PCDHA5: variants seen among roughly 807,000 people sequenced by gnomAD.
PCDHA5 encodes the protein protocadherin alpha 5, also known as protocadherin alpha-5.
In PCDHA5, 43 loss-of-function variants were observed where a neutral mutation model predicts 61.6. The observed-to-expected ratio is 0.70, with a 90% confidence interval of 0.55 to 0.90. The LOEUF is 0.90. PCDHA5 is among the 40% of genes least tolerant of loss of function. The probability of loss-of-function intolerance (pLI) is 0.00; values close to 1 mark genes in which losing one functional copy is unlikely to be tolerated. For synonymous variants in PCDHA5, 627 were observed against 543.9 expected, an observed-to-expected ratio of 1.15 and a Z score of -2.13; for missense variants, 1,298 against 1,222.7, an observed-to-expected ratio of 1.06 and a Z score of -0.92.
At chr5:140,972,344 C>T (rs1379310170) in intron 1 of PCDHA5, among the ~76,000 whole-genome samples, 26 of 151,148 alleles carry the variant, frequency 1.7e-4, no homozygotes, top group African/African-American at 6.3e-4. Context: ...AGATGGGGGT[C>T]TCACTATGTT....
intron 1 of PCDHA5, chr5:140,830,429 C>T (rs2150186384): frequency 6.2e-7 from 1 of 1,613,784 alleles, no homozygotes; most frequent in African/African-American, 1.3e-5. Flanking sequence ...TTCACCTTGT[C>T]CTATTATGAT....
At chr5:140,852,737 C>CGG in intron 1 of PCDHA5, 1 of 983,808 alleles carries the variant, frequency 1.0e-6, no homozygotes, top group Non-Finnish European at 1.2e-6. Context: ...GTTTCATGTG[C>CGG]CATTTAAACT....
intron 1 of PCDHA5, chr5:140,836,420 G>A: frequency 6.2e-7 from 1 of 1,613,810 alleles, no homozygotes. Context: ...CAAAGGCGTC[G>A]TCGCGGGCAT....
rs782516369 is a variant in PCDHA5 at position 140,857,545 on chromosome 5, C to T, written c.2352+33418C>T. The T allele has an allele frequency of 1.9e-6, 3 of 1,596,810 alleles. 1 individual carries two copies. The highest frequency in any genetic ancestry group is 1.1e-5 in the South Asian group (1 of 90,486). On this transcript the variant is annotated intron_variant, in intron 1 of 3. Transcript: ENST00000529859. ...ACTCTCTGGTGGAGCGGCGGTTGGGCGAGCGCTCGCTGTCGAGCTACGTGT... is the reference window on the plus strand; with the variant it reads ...ACTCTCTGGTGGAGCGGCGGTTGGGTGAGCGCTCGCTGTCGAGCTACGTGT...
At chr5:140,828,787 G>C in intron 1 of PCDHA5, 3 of 1,614,216 alleles carry the variant, frequency 1.9e-6, no homozygotes, top group African/African-American at 1.3e-5. Flanking sequence ...TGGTCACAGT[G>C]CTGGATGTGA....
chr5:140,843,708 G>A, intron 1 of PCDHA5: 1 of 1,577,200 alleles, frequency 6.3e-7, no homozygotes, highest in South Asian at 1.1e-5. Context: ...GTTGATCATG[G>A]CCTCAAAGTA....
chr5:140,823,337 C>T lies in PCDHA5; in HGVS notation c.1562C>T (p.Pro521Leu). 1.2e-6 allele frequency: 2 copies of T among 1,612,260 alleles called. No individual in the cohort carries two copies. The highest frequency in any genetic ancestry group is 1.7e-6 in the Non-Finnish European group (2 of 1,179,760). ...AGCGGCAAGGTGTACGCGCTGCAGC[C>T]GCTGGACCACGAGGAAGTGGAGCTG... ...AESGKVYALQ[P>L]LDHEEVELLQ... The change falls in exon 1 of 4, where the codon CCG becomes CTG. Residue 521 changes from proline to leucine, a missense_variant. Coordinates refer to ENST00000529859, the MANE Select transcript of PCDHA5 (RefSeq NM_018908.3).
chr5:140,850,879 C>A (rs2150501286), intron 1 of PCDHA5: 1 of 1,586,914 alleles, frequency 6.3e-7, no homozygotes, highest in South Asian at 1.1e-5. Context: ...TCCTCAGATT[C>A]AACTGGGAAG....
chr5:140,849,079 T>C (rs1554142746), intron 1 of PCDHA5: 1 of 1,521,712 alleles, frequency 6.6e-7, no homozygotes, highest in African/African-American at 1.5e-5. Flanking sequence ...CTTGGACTTG[T>C]ATTACGGAAA....
At chr5:141,005,467 GC>G (rs1463928635) in intron 3 of PCDHA5, among the ~76,000 whole-genome samples, 1 of 151,982 alleles carries the variant, frequency 6.6e-6, no homozygotes, top group Non-Finnish European at 1.5e-5. Context: ...ACTTTGGGAG[GC>G]CGAGACGGGC....
At chr5:140,884,307 C>G (rs144612735) in intron 1 of PCDHA5, 1 of 1,613,724 alleles carries the variant, frequency 6.2e-7, no homozygotes. Context: ...CAGGCTTCGT[C>G]GAGGGCGTCG....
chr5:140,867,568 T>C (rs2050045240), intron 1 of PCDHA5: 1 of 152,150 alleles, frequency 6.6e-6, no homozygotes, highest in Non-Finnish European at 1.5e-5. Context: ...AACTTTTTCA[T>C]ATGCCCTTGC....
At chr5:140,866,405 A>G (rs2049336607) in intron 1 of PCDHA5, 1 of 152,116 alleles carries the variant, frequency 6.6e-6, no homozygotes, top group Admixed American at 6.6e-5. Context: ...TCCCATGAAA[A>G]TCTTCAAATG....
intron 1 of PCDHA5, chr5:140,851,680 A>G (rs2042128414): frequency 2.2e-6 from 2 of 918,856 alleles, no homozygotes; most frequent in African/African-American, 3.6e-5. Flanking sequence ...AATTTTCTCC[A>G]TTCAGTGATA....
In PCDHA5 at chr5:140,823,976, G is replaced by T. The variant is rs1247134130; in HGVS notation, c.2201G>T (p.Gly734Val). The change falls in exon 1 of 4, where the codon GGC becomes GTC. Residue 734 changes from glycine (G) to valine (V), a missense_variant. Coordinates refer to ENST00000529859, the MANE Select transcript of PCDHA5 (RefSeq NM_018908.3). Reference protein sequence around the residue: ...AQPTEAVCTRGKPTLLCSSAV... With the variant: ...AQPTEAVCTRVKPTLLCSSAV... Reference sequence around the variant, plus strand: ...CCCACCGAGGCCGTGTGCACACGGGGCAAGCCCACTCTGTTGTGCTCCAGC... The same window carrying T: ...CCCACCGAGGCCGTGTGCACACGGGTCAAGCCCACTCTGTTGTGCTCCAGC... 4 of 1,613,918 alleles carry T rather than the reference G, an allele frequency of 2.5e-6. No individual in the cohort carries two copies. In the African/African-American group the frequency reaches 5.3e-5, roughly 22 times the overall value.
At position 140,963,092 on chromosome 5, in the gene PCDHA5, C is replaced by T. The variant is rs1202521389; in HGVS notation, c.2353-15857C>T. Among the ~76,000 whole-genome samples, 3 of 151,976 alleles carry T rather than the reference C, an allele frequency of 2.0e-5. No homozygotes were observed. The South Asian group carries it at 6.2e-4, about 32-fold the overall frequency. On this transcript the variant is annotated intron_variant, in intron 1 of 3. Transcript: ENST00000529859. Reference sequence around the variant, plus strand: ...GGAGACAGAAATATAAGACATGGCTCCTGCTTTCAGGTTGCTTATAATTAA... The same window carrying T: ...GGAGACAGAAATATAAGACATGGCTTCTGCTTTCAGGTTGCTTATAATTAA...
At chr5:140,851,455 C>T in intron 1 of PCDHA5, 1 of 898,662 alleles carries the variant, frequency 1.1e-6, no homozygotes, top group Non-Finnish European at 1.4e-6. Context: ...CTTTAGGAAT[C>T]AAATTATGTC....
At chr5:140,911,338 A>G (rs1562979911) in intron 1 of PCDHA5, among the ~76,000 whole-genome samples, 1 of 152,040 alleles carries the variant, frequency 6.6e-6, no homozygotes, top group African/African-American at 2.4e-5. Context: ...TTTTCCAATC[A>G]ATGCCCTCAT....
intron 1 of PCDHA5, chr5:140,828,260 G>A (rs2150153212): frequency 6.8e-6 from 11 of 1,614,030 alleles, no homozygotes; most frequent in Non-Finnish European, 7.6e-6. Flanking sequence ...GCTGGAGCTG[G>A]CGGAGCTGGT....
Sources: allele counts gnomAD v4.1 joint callset (sites outside exome capture counted in the v4.1 genomes callset), GRCh38; gene constraint gnomAD v4.1.1; transcripts MANE v1.5; gene names NCBI Gene and HGNC (gene_info 2026-07-23, HGNC 2026-07-21).